The following VPS53 variants were observed in gnomAD, a reference collection of about 807,000 sequenced individuals.
VPS53 encodes VPS53 subunit of GARP complex.
A neutral mutation model predicts 107.0 loss-of-function variants in VPS53; 70 were observed. The ratio of observed to expected loss-of-function variants is 0.65; its 90% CI spans 0.54 to 0.80. VPS53 has a LOEUF of 0.80. Among genes scored for constraint, VPS53 ranks in the 30% least tolerant of loss-of-function variants. VPS53 has a pLI of 0.00. For synonymous variants in VPS53, 409 were observed against 393.3 expected (o/e 1.04, Z -0.47); for missense variants, 917 against 1,049.4 (o/e 0.87, Z 1.74).
intron 14 of VPS53, 103 bp from the exon 15 acceptor site, chr17:560,676 T>C (rs900712723): frequency 1.4e-6 from 2 of 1,384,318 alleles, no homozygotes; most frequent in African/African-American, 2.9e-5. Context: ...AAGTAAAGGC[T>C]GGACATGGCC....
intron 4 of VPS53, among the ~76,000 whole-genome samples, chr17:673,386 A>T (rs1000254235): frequency 2.6e-5 from 4 of 152,244 alleles, no homozygotes; most frequent in African/African-American, 7.2e-5. Context: ...GAGGTGCTTC[A>T]GCCAGCCTCA....
At chr17:609,631 A>T (rs990228960) in intron 11 of VPS53, among the ~76,000 whole-genome samples, 2 of 152,332 alleles carry the variant, frequency 1.3e-5, no homozygotes, top group Admixed American at 6.5e-5. Flanking sequence ...CTACTTTTAA[A>T]TCTTAACTGC....
In VPS53 at chr17:565,423, A is replaced by AAAAG. The variant is rs1555553371; in HGVS notation, c.1314-2682_1314-2679dup. Among the ~76,000 whole-genome samples, 662 of 132,546 alleles carry AAAAG rather than the reference A, an allele frequency of 5.0e-3. 14 individuals carry two copies. Among genetic ancestry groups the AAAAG allele is most frequent in the Middle Eastern group, 8.1e-3 (2 of 248 alleles). The allele number at this position is 132,546 out of a possible 152,430, so 87.0% of individuals were successfully genotyped here. A position where few individuals can be genotyped will look rare whatever the true frequency, so the allele number is the denominator to read the frequency against. ...CATCTCAAAAAAAAAAAAAAAAAAA[A>AAAAG]AAAGAAAGAAAAGAAAAAGAAAGTC... On this transcript the variant is annotated intron_variant, in intron 13 of 21. Coordinates refer to ENST00000437048, the MANE Select transcript of VPS53 (RefSeq NM_001128159.3).
chr17:624,169 C>T (rs1201771314), intron 10 of VPS53, among the ~76,000 whole-genome samples: 1 of 152,034 alleles, frequency 6.6e-6, no homozygotes, highest in East Asian at 1.9e-4. Context: ...TACATAGTTA[C>T]TACGTTGCCT....
intron 19 of VPS53, 122 bp downstream of exon 19, chr17:532,720 C>T (rs1909688597): frequency 2.0e-6 from 3 of 1,487,852 alleles, no homozygotes; most frequent in Admixed American, 2.5e-5. Flanking sequence ...AGTCATTATA[C>T]TGTCCCCAAA....
chr17:619,878 G>A (rs1275947250), intron 11 of VPS53, among the ~76,000 whole-genome samples: 20 of 115,474 alleles, frequency 1.7e-4, no homozygotes, highest in East Asian at 1.3e-3. Context: ...GCACCACCAC[G>A]CCCCGCTAAT....
At chr17:697,332 G>C (rs763412919) in intron 4 of VPS53, 86 bp downstream of exon 4, 4 of 1,138,098 alleles carry the variant, frequency 3.5e-6, no homozygotes, top group Non-Finnish European at 5.3e-6. Context: ...AAAGTGCTCT[G>C]CAAGAGGGCA....
chr17:622,247 A>G (rs937282982), intron 11 of VPS53, among the ~76,000 whole-genome samples: 1 of 152,046 alleles, frequency 6.6e-6, no homozygotes, highest in Non-Finnish European at 1.5e-5. Flanking sequence ...TAAAAAAATA[A>G]AGGATAGTCT....
intron 7 of VPS53, among the ~76,000 whole-genome samples, chr17:643,826 T>G (rs927153497): frequency 1.3e-5 from 2 of 152,168 alleles, no homozygotes; most frequent in African/African-American, 4.8e-5. Context: ...CACTCATACT[T>G]GGAAACCGAG....
At chr17:592,533 T>C in intron 12 of VPS53, among the ~76,000 whole-genome samples, 1 of 152,196 alleles carries the variant, frequency 6.6e-6, no homozygotes. Flanking sequence ...TGGTACCGGT[T>C]GTTCCTTTCC....
At chr17:649,832 A>T (rs1354885855) in intron 7 of VPS53, among the ~76,000 whole-genome samples, 9 of 152,284 alleles carry the variant, frequency 5.9e-5, no homozygotes, top group Admixed American at 5.9e-4. Context: ...ATTCCGTGGG[A>T]GAGACATGAG....
chr17:600,332 T>C (rs1009685614), intron 12 of VPS53, among the ~76,000 whole-genome samples: 1 of 152,214 alleles, frequency 6.6e-6, no homozygotes, highest in Non-Finnish European at 1.5e-5. Context: ...CAAATGGCTC[T>C]CCTGCGCAAA....
intron 4 of VPS53, among the ~76,000 whole-genome samples, chr17:687,624 G>A (rs565237532): frequency 1.8e-4 from 27 of 151,638 alleles, no homozygotes; most frequent in Middle Eastern, 3.4e-3. Flanking sequence ...TGTGGTCCCA[G>A]CTACTCGGGA....
chr17:623,509 G>T, intron 11 of VPS53, 24 bp downstream of exon 11: 1 of 1,597,710 alleles, frequency 6.3e-7, no homozygotes, highest in Non-Finnish European at 8.6e-7. Context: ...ATTTCACGTG[G>T]CAGCTCCCTA....
intron 13 of VPS53, among the ~76,000 whole-genome samples, chr17:577,485 G>A (rs771025274): frequency 6.6e-6 from 1 of 150,638 alleles, no homozygotes; most frequent in Non-Finnish European, 1.5e-5. Context: ...ACCTCCGTCA[G>A]GACCTAATGC....
At chr17:690,777 T>C (rs1972751285) in intron 4 of VPS53, among the ~76,000 whole-genome samples, 1 of 147,340 alleles carries the variant, frequency 6.8e-6, no homozygotes, top group Admixed American at 6.7e-5. Context: ...ATGTCTACAA[T>C]CAAAAATCTC....
At chr17:598,194 C>A (rs897516150) in intron 12 of VPS53, among the ~76,000 whole-genome samples, 1 of 152,220 alleles carries the variant, frequency 6.6e-6, no homozygotes, top group Non-Finnish European at 1.5e-5. Flanking sequence ...AGCCCCTAAC[C>A]GCAAGTGATC....
At chr17:612,708 A>C (rs1567675290) in intron 11 of VPS53, among the ~76,000 whole-genome samples, 1 of 147,232 alleles carries the variant, frequency 6.8e-6, no homozygotes, top group Non-Finnish European at 1.5e-5. Context: ...AAACCTGTAC[A>C]AATATTCACA....
In VPS53 at chr17:628,089, T is replaced by A. The variant is rs1969793524; in HGVS notation, c.830A>T (p.Asp277Val). ...EYLVLFQENQ[D>V]VAWLDKIDRR... Reference sequence around the variant, plus strand: ...TGATCTTATTTGGTCAATACTCACATCTTGGTTTTCTTGAAAAAGTACCAG... The same window carrying A: ...TGATCTTATTTGGTCAATACTCACAACTTGGTTTTCTTGAAAAAGTACCAG... Residue 277 changes from aspartate to valine, a missense_variant and splice_region_variant, in exon 9 of 22, where the codon GAT becomes GTT. Coordinates refer to ENST00000437048, the MANE Select transcript of VPS53 (RefSeq NM_001128159.3). 6.2e-7 allele frequency: 1 copy of A among 1,610,962 alleles called. No homozygotes were observed. The highest frequency in any genetic ancestry group is 1.7e-5 in the Admixed American group (1 of 59,146).
Sources: gnomAD v4.1 joint callset for allele counts (sites outside exome capture counted in the v4.1 genomes callset) on GRCh38, gnomAD v4.1.1 for gene constraint, MANE v1.5 for transcripts, NCBI Gene and HGNC (gene_info 2026-07-23, HGNC 2026-07-21) for gene names.